MEGF11: variants seen among roughly 807,000 people sequenced by gnomAD.
MEGF11 encodes multiple epidermal growth factor-like domains protein 11.
A neutral mutation model predicts 146.6 loss-of-function variants in MEGF11; 126 were observed. The observed-to-expected ratio is 0.86, with a 90% CI of 0.74 to 1.00. The LOEUF (loss-of-function observed/expected upper bound fraction) is 1.00. Ranked by LOEUF, MEGF11 falls within the 50% of genes least tolerant of loss-of-function variation. The pLI, the probability that MEGF11 is intolerant of heterozygous loss-of-function variation, is 0.00. For synonymous variants in MEGF11, 532 were observed against 583.4 expected (o/e 0.91, Z 1.27); for missense variants, 1,509 against 1,521.2 (o/e 0.99, Z 0.13).
chr15:66,115,127 T>C (rs2087659399), intron 4 of MEGF11, among the ~76,000 whole-genome samples: 1 of 152,208 alleles, frequency 6.6e-6, no homozygotes, highest in African/African-American at 2.4e-5. Context: ...GAAGGGAAGA[T>C]GACATCCTCC....
At chr15:66,008,382 C>T (rs1049287289) in intron 5 of MEGF11, among the ~76,000 whole-genome samples, 5 of 147,718 alleles carry the variant, frequency 3.4e-5, no homozygotes, top group Non-Finnish European at 7.4e-5. Context: ...AAGTCATTCA[C>T]GATGAAACAC....
intron 1 of MEGF11, among the ~76,000 whole-genome samples, chr15:66,186,212 G>A (rs146464991): frequency 1.3e-5 from 2 of 152,194 alleles, no homozygotes; most frequent in Non-Finnish European, 2.9e-5. Context: ...TAGACCCTCC[G>A]GGAAGCAGAG....
chr15:65,923,272 C>G (rs1172955163), intron 13 of MEGF11, among the ~76,000 whole-genome samples: 1 of 152,154 alleles, frequency 6.6e-6, no homozygotes, highest in Non-Finnish European at 1.5e-5. Context: ...GTGGCTGAAC[C>G]ACAAAGTGCA....
At chr15:65,997,489 C>T (rs1371865257) in intron 5 of MEGF11, among the ~76,000 whole-genome samples, 1 of 152,222 alleles carries the variant, frequency 6.6e-6, no homozygotes. Flanking sequence ...TCAAACACTA[C>T]ATCCTTAGAG....
At chr15:65,973,533 T>C (rs747053733) in intron 7 of MEGF11, among the ~76,000 whole-genome samples, 31 of 152,134 alleles carry the variant, frequency 2.0e-4, no homozygotes, top group Non-Finnish European at 4.0e-4. Context: ...GGCAGGAGGA[T>C]CACTTGAGCC....
intron 5 of MEGF11, among the ~76,000 whole-genome samples, chr15:66,060,394 C>T (rs2084852834): frequency 6.6e-6 from 1 of 152,218 alleles, no homozygotes; most frequent in South Asian, 2.1e-4. Context: ...TCTCCCCTTG[C>T]AGAACTAGCT....
At chr15:66,231,583 G>A (rs565877282) in intron 1 of MEGF11, among the ~76,000 whole-genome samples, 2 of 152,180 alleles carry the variant, frequency 1.3e-5, no homozygotes, top group South Asian at 2.1e-4. Context: ...TGCTCCAACC[G>A]TCTCCTGAGT....
At chr15:65,999,671 C>A (rs2082301571) in intron 5 of MEGF11, among the ~76,000 whole-genome samples, 3 of 152,106 alleles carry the variant, frequency 2.0e-5, no homozygotes, top group Non-Finnish European at 2.9e-5. Context: ...GATAGGGTTG[C>A]CATCAGGATA....
chr15:66,090,608 ACT>A (rs1273239688), intron 5 of MEGF11, among the ~76,000 whole-genome samples: 2 of 152,188 alleles, frequency 1.3e-5, no homozygotes, highest in Admixed American at 1.3e-4. Context: ...TGCTTTCTAA[ACT>A]CTGAAAAATT....
chr15:66,177,037 G>A (rs1420043160), intron 1 of MEGF11, among the ~76,000 whole-genome samples: 2 of 152,218 alleles, frequency 1.3e-5, no homozygotes, highest in Non-Finnish European at 2.9e-5. Flanking sequence ...TACACCTTGG[G>A]TGGGCGTAGA....
At chr15:65,928,809 T>C (rs2079467408) in intron 12 of MEGF11, among the ~76,000 whole-genome samples, 1 of 151,982 alleles carries the variant, frequency 6.6e-6, no homozygotes, top group South Asian at 2.1e-4. Flanking sequence ...GAGGTGATAC[T>C]CCTGCTCTAC....
Position 66,087,007 on chromosome 15 carries a change from C to T in MEGF11, c.394+7395G>A, listed in dbSNP as rs568484073. 3.6e-4 allele frequency among the ~76,000 whole-genome samples: 55 copies of T among 152,216 alleles called. 1 individual carries two copies. Among genetic ancestry groups the T allele is most frequent in the Admixed American group, 1.0e-3 (16 of 15,292 alleles). ...ATTTCATGCAACTGGACACCAAAAG[C>T]GAGCAGGGGTAGCCATTCTTATATT... On this transcript the variant is annotated intron_variant, in intron 5 of 25. Transcript: ENST00000395614.
rs796328490 is a variant in MEGF11, at chr15:66,082,425, TAAAAAAAAAAAAAAAAAAAAAAAAA to T, written c.394+11952_394+11976del. Among the ~76,000 whole-genome samples, 12 of 15,664 alleles carry T rather than the reference TAAAAAAAAAAAAAAAAAAAAAAAAA, an allele frequency of 7.7e-4. No individual in the cohort carries two copies. The Admixed American group carries it at 0.014, about 19-fold the overall frequency. 10.3% of individuals were successfully genotyped at this position (15,664 alleles called of 152,430 possible). A position where few individuals can be genotyped will look rare whatever the true frequency, so the allele number is the denominator to read the frequency against. On this transcript the variant is annotated intron_variant, in intron 5 of 25. Transcript: ENST00000395614. ...CAACATGGTAAAACCCCATCTCTAC[TAAAAAAAAAAAAAAAAAAAAAAAAA>T]AAAAAAAAAAAAAAAAATCTATCTA...
At chr15:65,989,329 G>A (rs2081962792) in intron 5 of MEGF11, among the ~76,000 whole-genome samples, 1 of 152,134 alleles carries the variant, frequency 6.6e-6, no homozygotes. Flanking sequence ...CTGCCCCTGA[G>A]CTACCCCAGC....
At chr15:66,130,139 C>G (rs1423379252) in intron 1 of MEGF11, among the ~76,000 whole-genome samples, 1 of 152,202 alleles carries the variant, frequency 6.6e-6, no homozygotes. Flanking sequence ...GCTCAGCGAT[C>G]ATTTCAATCC....
intron 5 of MEGF11, among the ~76,000 whole-genome samples, chr15:66,058,920 C>A (rs1343003720): frequency 6.6e-6 from 1 of 152,132 alleles, no homozygotes; most frequent in Admixed American, 6.5e-5. Flanking sequence ...CCCTGAGTCT[C>A]CCCATTACCC....
rs538523035 is a variant in MEGF11, at chr15:65,924,382, G to C, written c.1676-1413C>G. Reference sequence around the variant, plus strand: ...GTAGGTGGGGTGTGGGTGGGGGGGGGGGCAAGTGGTTTCCTCCCCAGGGAA... The same window carrying C: ...GTAGGTGGGGTGTGGGTGGGGGGGGCGGCAAGTGGTTTCCTCCCCAGGGAA... On this transcript the variant is annotated intron_variant, in intron 13 of 25. Transcript: ENST00000395614. 5.0e-3 allele frequency among the ~76,000 whole-genome samples: 669 copies of C among 134,562 alleles called. 13 individuals are homozygous for C. The highest frequency in any genetic ancestry group is 0.017 in the African/African-American group (617 of 37,298). 88.3% of individuals were successfully genotyped at this position (134,562 alleles called of 152,430 possible). A position where few individuals can be genotyped will look rare whatever the true frequency, so the allele number is the denominator to read the frequency against.
At chr15:65,914,241 T>G (rs1355248494) in intron 19 of MEGF11, 1 of 533,878 alleles carries the variant, frequency 1.9e-6, no homozygotes, top group Non-Finnish European at 3.3e-6. Context: ...AAAAATGAGT[T>G]AACAGATATT....
chr15:65,917,956 A>G lies in MEGF11; in HGVS notation c.2086+10T>C. 6.2e-7 allele frequency: 1 copy of G among 1,613,950 alleles called. No homozygotes were observed. The highest frequency in any genetic ancestry group is 1.1e-5 in the South Asian group (1 of 91,080). Reference sequence around the variant, plus strand: ...CCAGGTAGGGGCATTCCCAGGTGGCAGCAGCTTACCCTGTGAGCAGTCCTT... The same window carrying G: ...CCAGGTAGGGGCATTCCCAGGTGGCGGCAGCTTACCCTGTGAGCAGTCCTT... On this transcript the variant is annotated intron_variant, in intron 16 of 25. Transcript: ENST00000395614.
Sources: allele counts gnomAD v4.1 joint callset (sites outside exome capture counted in the v4.1 genomes callset), GRCh38; gene constraint gnomAD v4.1.1; transcripts MANE v1.5; gene names NCBI Gene and HGNC (gene_info 2026-07-23, HGNC 2026-07-21).